KNDC1: variants seen among roughly 807,000 people sequenced by gnomAD.
KNDC1 encodes the protein kinase non-catalytic C-lobe domain-containing protein 1.
In KNDC1, 106 loss-of-function variants were observed where a neutral mutation model predicts 172.8. The observed-to-expected ratio is 0.61, with a 90% CI of 0.52 to 0.72. KNDC1 has a LOEUF of 0.72. Ranked by LOEUF, KNDC1 falls within the 30% of genes least tolerant of loss-of-function variation. The pLI is 0.00. For synonymous variants in KNDC1, 1,083 were observed against 1,062.2 expected (o/e 1.02, Z -0.38); for missense variants, 2,325 against 2,394.5 (o/e 0.97, Z 0.61).
At chr10:133,200,555 C>A in intron 16 of KNDC1, 95 bp downstream of exon 16, 1 of 965,256 alleles carries the variant, frequency 1.0e-6, no homozygotes, top group Non-Finnish European at 1.4e-6. Flanking sequence ...CCAGCAGCCT[C>A]AGACTGCACT....
chr10:133,223,012 C>T (rs1186966482), intron 29 of KNDC1, among the ~76,000 whole-genome samples: 1 of 22,298 alleles, frequency 4.5e-5, no homozygotes, highest in South Asian at 2.7e-3. Context: ...CATGCTCTTC[C>T]CGGCGTGTGT....
At chr10:133,206,424 C>T (rs1291761195) in intron 17 of KNDC1, among the ~76,000 whole-genome samples, 4 of 152,150 alleles carry the variant, frequency 2.6e-5, no homozygotes, top group Admixed American at 2.6e-4. Flanking sequence ...AAGGGCCTGA[C>T]TGTGGGTGAG....
chr10:133,203,612 G>A (rs961472528), intron 17 of KNDC1, among the ~76,000 whole-genome samples: 11 of 152,158 alleles, frequency 7.2e-5, no homozygotes, highest in African/African-American at 2.4e-4. Context: ...TCAGCACTGC[G>A]GGTGCCCTGG....
Position 133,179,607 on chromosome 10 carries a change from CT to C in KNDC1, c.361-3735del, listed in dbSNP as rs1047655056. On this transcript the variant is annotated intron_variant, in intron 3 of 29. Transcript: ENST00000304613. ...TCAACCAGTGTTGAACTGAAAACCA[CT>C]TGGCTTGACCGCGTTTGCTCAGGAA... Among the ~76,000 whole-genome samples the C allele has an allele frequency of 2.2e-3, 332 of 151,866 alleles. 3 individuals are homozygous for C. The highest frequency in any genetic ancestry group is 7.5e-3 in the African/African-American group (313 of 41,522).
intron 1 of KNDC1, among the ~76,000 whole-genome samples, chr10:133,162,264 C>T (rs147714421): frequency 4.2e-4 from 64 of 151,262 alleles, no homozygotes; most frequent in Middle Eastern, 6.8e-3. Context: ...GCTTCCCACA[C>T]GTGTTTGGCT....
In KNDC1 at chr10:133,163,465, G is replaced by A. The variant is rs1405141892; in HGVS notation, c.102+2896G>A. 1.3e-5 allele frequency among the ~76,000 whole-genome samples: 2 copies of A among 152,166 alleles called. No individual in the cohort carries two copies. Among genetic ancestry groups the A allele is most frequent in the Admixed American group, 1.3e-4 (2 of 15,276 alleles). On this transcript the variant is annotated intron_variant, in intron 1 of 29. Transcript: ENST00000304613. This position sits in a 1 kb window ranked among gnomAD's most constrained non-coding sequence, Gnocchi z 4.4. ...CCATATGACATCTGTGCCAGGATGA[G>A]CTCAGAGCAGAAGGCACCTCGGGAG... is the stretch of plus-strand genomic sequence containing the variant.
chr10:133,186,806 C>A, intron 6 of KNDC1, 132 bp downstream of exon 6: 1 of 687,820 alleles, frequency 1.5e-6, no homozygotes, highest in Non-Finnish European at 2.3e-6. Context: ...TAATTAAAGA[C>A]ATTTTCATTG....
intron 23 of KNDC1, 150 bp downstream of exon 23, chr10:133,212,008 CAT>C: frequency 5.5e-6 from 4 of 732,484 alleles, no homozygotes; most frequent in Non-Finnish European, 8.6e-6. Context: ...GACGTGTGCA[CAT>C]ACACTTGTGT....
intron 2 of KNDC1, 115 bp from the exon 3 acceptor site, chr10:133,168,124 TGGTCTGGGGACACCA>T (rs972267514): frequency 2.6e-6 from 2 of 780,996 alleles, no homozygotes; most frequent in Non-Finnish European, 2.3e-6. Context: ...TGGCCTAAAA[TGGTCTGGGGACACCA>T]GGTCTGCGGG....
chr10:133,210,333 T>TCCAGC (rs1407628976), intron 20 of KNDC1, among the ~76,000 whole-genome samples: 25 of 112,288 alleles, frequency 2.2e-4, no homozygotes, highest in Admixed American at 8.3e-4. Context: ...ACCATTGCAC[T>TCCAGC]CCAGCCTGGG....
intron 12 of KNDC1, 80 bp from the exon 13 acceptor site, chr10:133,198,257 A>G: frequency 7.0e-7 from 1 of 1,437,304 alleles, no homozygotes; most frequent in Non-Finnish European, 9.2e-7. Context: ...TGGGATGAGC[A>G]CTGGGTGGGA....
Position 133,185,783 on chromosome 10 carries a change from G to A in KNDC1, c.626-191G>A, listed in dbSNP as rs372667924. 2.0e-4 allele frequency among the ~76,000 whole-genome samples: 25 copies of A among 127,322 alleles called. 1 individual carries two copies. The East Asian group carries it at 5.4e-3, about 28-fold the overall frequency. The allele number at this position is 127,322 out of a possible 152,430, so 83.5% of individuals were successfully genotyped here. ...GATGAGTGGGGCAGGAGAGGAAGGCGGGAGCCCCCTCCTGTGAGAGCCTGG... is the reference window on the plus strand; with the variant it reads ...GATGAGTGGGGCAGGAGAGGAAGGCAGGAGCCCCCTCCTGTGAGAGCCTGG... On this transcript the variant is annotated intron_variant, in intron 5 of 29. Coordinates refer to ENST00000304613, the MANE Select transcript of KNDC1 (RefSeq NM_152643.8).
intron 29 of KNDC1, among the ~76,000 whole-genome samples, chr10:133,221,522 G>A (rs982365638): frequency 1.4e-4 from 22 of 152,038 alleles, no homozygotes; most frequent in African/African-American, 4.8e-4. Flanking sequence ...CCACCCTCCC[G>A]TCTCATCTCA....
chr10:133,224,569 T>C lies in KNDC1; in HGVS notation c.5019-90T>C, dbSNP rs1449095576. 3 of 883,702 alleles carry C rather than the reference T, an allele frequency of 3.4e-6. No homozygotes were observed. The African/African-American group carries it at 5.1e-5, about 15-fold the overall frequency. The allele number at this position is 883,702 out of a possible 1,614,324, so 54.7% of individuals were successfully genotyped here. A position where few individuals can be genotyped will look rare whatever the true frequency, so the allele number is the denominator to read the frequency against. On this transcript the variant is annotated intron_variant, in intron 29 of 29. Coordinates refer to ENST00000304613, the MANE Select transcript of KNDC1 (RefSeq NM_152643.8). The surrounding 1 kb of genome is among the most constrained non-coding windows in gnomAD (Gnocchi z 5.4). The stretch of plus-strand genomic sequence containing the variant: ...ACACGGTGAAAAGATTTAGTCCAAA[T>C]GATTCCTAAGAACGCGGGGGGACTC...
At chr10:133,161,349 G>A (rs1852962562) in intron 1 of KNDC1, among the ~76,000 whole-genome samples, 1 of 152,184 alleles carries the variant, frequency 6.6e-6, no homozygotes. Flanking sequence ...CCAGACGCTG[G>A]GCGCCTGCGT....
chr10:133,182,974 TGTGGGCACAGGC>T (rs1853766244), intron 3 of KNDC1, among the ~76,000 whole-genome samples: 1 of 17,876 alleles, frequency 5.6e-5, no homozygotes, highest in Admixed American at 5.4e-4. Context: ...GCACAGGCGG[TGTGGGCACAGGC>T]GGCGTGGGCA....
intron 3 of KNDC1, among the ~76,000 whole-genome samples, chr10:133,176,756 T>G (rs1241230576): frequency 6.6e-6 from 1 of 152,148 alleles, no homozygotes; most frequent in Non-Finnish European, 1.5e-5. Flanking sequence ...AGGTATTAGA[T>G]CCCCTGGAGA....
chr10:133,160,521 C>G lies in KNDC1; in HGVS notation c.54C>G (p.Asp18Glu). 1 of 1,592,124 alleles carries G rather than the reference C, an allele frequency of 6.3e-7. No individual in the cohort carries two copies. Among genetic ancestry groups the G allele is most frequent in the East Asian group, 2.3e-5 (1 of 43,732 alleles). Residue 18 changes from aspartate (D) to glutamate (E), a missense_variant, in exon 1 of 30, where the codon GAC (aspartate) becomes GAG (glutamate). By Grantham distance (45) the Asp-to-Glu change is conservative. Coordinates refer to ENST00000304613, the MANE Select transcript of KNDC1 (RefSeq NM_152643.8). ...ATCTTTACGAGGAGGACGGCAAAGA[C>G]CTGGACTTCTACGACTTCGAGCCGC... ...AADLYEEDGKDLDFYDFEPLP... is the reference protein window; with the variant it reads ...AADLYEEDGKELDFYDFEPLP...
At position 133,198,320 on chromosome 10, in the gene KNDC1, GC is replaced by G; in HGVS notation, c.1907-12del. 6.4e-7 allele frequency: 1 copy of G among 1,551,340 alleles called. No homozygotes were observed. The highest frequency in any genetic ancestry group is 1.2e-5 in the South Asian group (1 of 85,460). On this transcript the variant is annotated splice_polypyrimidine_tract_variant and intron_variant, in intron 12 of 29. Coordinates refer to ENST00000304613, the MANE Select transcript of KNDC1 (RefSeq NM_152643.8). Reference sequence around the variant, plus strand: ...GCCACTCCGCCCGCCCACACCCTCAGCCCCCTGGCTCCCCAGGCTTCCTGCC... The same window carrying G: ...GCCACTCCGCCCGCCCACACCCTCAGCCCCTGGCTCCCCAGGCTTCCTGCC...
Sources: allele counts gnomAD v4.1 joint callset (sites outside exome capture counted in the v4.1 genomes callset), GRCh38; gene constraint gnomAD v4.1.1; non-coding constraint Gnocchi (gnomAD v3.1); transcripts MANE v1.5; gene names NCBI Gene and HGNC (gene_info 2026-07-23, HGNC 2026-07-21).